The following GRID2 variants were observed in gnomAD, a reference collection of about 807,000 sequenced individuals.
GRID2 encodes the protein glutamate ionotropic receptor delta type subunit 2.
GRID2 carries 33 observed loss-of-function variants against 114.8 expected under a neutral mutation model. The observed-to-expected ratio is 0.29, with a 90% confidence interval of 0.22 to 0.38. The LOEUF is 0.38. Among genes scored for constraint, GRID2 ranks in the 10% least tolerant of loss-of-function variants. The pLI is 1.00. For synonymous variants in GRID2, 505 were observed against 449.9 expected (o/e 1.12, Z -1.55); for missense variants, 1,184 against 1,257.7 (o/e 0.94, Z 0.89).
At position 92,666,650 on chromosome 4, in the gene GRID2, G is replaced by GTTTTTTTTTTTTTTT. The variant is rs70942922; in HGVS notation, c.244+76370_244+76384dup. Among the ~76,000 whole-genome samples, 562 of 68,434 alleles carry GTTTTTTTTTTTTTTT rather than the reference G, an allele frequency of 8.2e-3. 35 individuals are homozygous for GTTTTTTTTTTTTTTT. Among genetic ancestry groups the GTTTTTTTTTTTTTTT allele is most frequent in the Non-Finnish European group, 0.011 (376 of 35,656 alleles). 44.9% of individuals were successfully genotyped at this position (68,434 alleles called of 152,430 possible). On this transcript the variant is annotated intron_variant, in intron 2 of 15. Coordinates refer to ENST00000282020, the MANE Select transcript of GRID2 (RefSeq NM_001510.4). Reference sequence around the variant, plus strand: ...AGGCTGATGTGTAAACTTAAGGGTTGTTTTTTTTTTTTTTTTTTTTCAGAT... The same window carrying GTTTTTTTTTTTTTTT: ...AGGCTGATGTGTAAACTTAAGGGTTGTTTTTTTTTTTTTTTTTTTTTTTTTTTTTTTTTTTCAGAT...
intron 14 of GRID2, among the ~76,000 whole-genome samples, chr4:93,627,833 AAT>A (rs943382233): frequency 2.0e-5 from 3 of 152,208 alleles, no homozygotes; most frequent in African/African-American, 4.8e-5. Flanking sequence ...GCCCAAAATC[AAT>A]AGAGTGGGTA....
chr4:92,467,079 A>T (rs1053893569), intron 1 of GRID2, among the ~76,000 whole-genome samples: 29 of 151,936 alleles, frequency 1.9e-4, no homozygotes, highest in African/African-American at 7.0e-4. Context: ...ATCAAATTTT[A>T]CTTTTTTAGA....
chr4:93,121,336 G>T (rs1442370974), intron 4 of GRID2, among the ~76,000 whole-genome samples: 1 of 152,102 alleles, frequency 6.6e-6, no homozygotes, highest in Non-Finnish European at 1.5e-5. Context: ...CTCCAGTTAA[G>T]ATCTCCCCAA....
intron 1 of GRID2, among the ~76,000 whole-genome samples, chr4:92,318,798 G>C (rs1331727329): frequency 1.3e-5 from 2 of 152,068 alleles, no homozygotes; most frequent in Non-Finnish European, 2.9e-5. Context: ...TAGCAAGTCA[G>C]AGAAGAATTC....
At chr4:93,611,467 C>T (rs1285920167) in intron 13 of GRID2, among the ~76,000 whole-genome samples, 1 of 128,652 alleles carries the variant, frequency 7.8e-6, no homozygotes, top group Non-Finnish European at 1.6e-5. Context: ...TATAAATTTC[C>T]CTCTACACAC....
intron 7 of GRID2, among the ~76,000 whole-genome samples, chr4:93,231,664 T>C (rs1182133992): frequency 6.6e-6 from 1 of 152,134 alleles, no homozygotes; most frequent in Non-Finnish European, 1.5e-5. Context: ...TGAACAGTCA[T>C]TGCAAAACTA....
chr4:93,447,640 G>A (rs1482159508), intron 10 of GRID2, among the ~76,000 whole-genome samples: 2 of 151,746 alleles, frequency 1.3e-5, no homozygotes, highest in East Asian at 3.9e-4. Context: ...TTAAATATAT[G>A]TCCAATATGA....
intron 8 of GRID2, among the ~76,000 whole-genome samples, chr4:93,337,467 G>A (rs1283623677): frequency 2.6e-5 from 4 of 152,146 alleles, no homozygotes; most frequent in African/African-American, 9.7e-5. Flanking sequence ...TTGCATTATC[G>A]CTGAGGAACC....
At chr4:93,004,941 GT>G (rs980745579) in intron 2 of GRID2, among the ~76,000 whole-genome samples, 3 of 151,962 alleles carry the variant, frequency 2.0e-5, no homozygotes, top group African/African-American at 7.2e-5. Context: ...CTTTGTCTTT[GT>G]TTTTTCTGTC....
chr4:93,146,283 C>A (rs539686576), intron 4 of GRID2, among the ~76,000 whole-genome samples: 1 of 152,104 alleles, frequency 6.6e-6, no homozygotes, highest in African/African-American at 2.4e-5. Context: ...TTCTATTTGG[C>A]AGTGTATTTG....
At chr4:93,216,611 A>T in intron 5 of GRID2, 127 bp from the exon 6 acceptor site, 1 of 636,452 alleles carries the variant, frequency 1.6e-6, no homozygotes, top group Non-Finnish European at 2.8e-6. Context: ...TTAGATATGC[A>T]CTAAGCATTA....
At position 93,113,064 on chromosome 4, in the gene GRID2, A is replaced by G. The variant is rs149817573; in HGVS notation, c.735+2111A>G. Among the ~76,000 whole-genome samples the G allele has an allele frequency of 2.2e-4, 34 of 152,310 alleles. No homozygotes were observed. The East Asian group carries it at 6.4e-3, about 29-fold the overall frequency. ...CACAACTTTACCCATAACAGTTACC[A>G]TTAGCTGTTATGAGCAAATAAGGCA... On this transcript the variant is annotated intron_variant, in intron 4 of 15. Transcript: ENST00000282020.
intron 3 of GRID2, among the ~76,000 whole-genome samples, chr4:93,108,006 T>C (rs1486551654): frequency 6.6e-6 from 1 of 152,196 alleles, no homozygotes; most frequent in Non-Finnish European, 1.5e-5. Flanking sequence ...CATGTCTCAC[T>C]AGCTAGGCTG....
chr4:92,861,965 A>G (rs1744563944), intron 2 of GRID2, among the ~76,000 whole-genome samples: 1 of 151,928 alleles, frequency 6.6e-6, no homozygotes, highest in African/African-American at 2.4e-5. Context: ...GACGCCCACT[A>G]TATTATAAGA....
intron 1 of GRID2, among the ~76,000 whole-genome samples, chr4:92,329,299 A>T (rs1726756583): frequency 6.6e-6 from 1 of 152,092 alleles, no homozygotes; most frequent in Middle Eastern, 3.4e-3. Flanking sequence ...AGCCCTCTCT[A>T]TTTAAACTTT....
intron 14 of GRID2, among the ~76,000 whole-genome samples, chr4:93,686,035 C>T (rs964624506): frequency 6.6e-6 from 1 of 152,108 alleles, no homozygotes; most frequent in Admixed American, 6.6e-5. Flanking sequence ...GTTGCAGATG[C>T]AGTTATTATT....
intron 2 of GRID2, among the ~76,000 whole-genome samples, chr4:92,715,496 C>T (rs942110240): frequency 6.6e-6 from 1 of 151,998 alleles, no homozygotes; most frequent in African/African-American, 2.4e-5. Flanking sequence ...CTGTATTATT[C>T]CTTTTTACAC....
At chr4:93,570,166 A>G (rs1482418872) in intron 13 of GRID2, among the ~76,000 whole-genome samples, 1 of 152,174 alleles carries the variant, frequency 6.6e-6, no homozygotes, top group African/African-American at 2.4e-5. Flanking sequence ...GGCTTTATAT[A>G]TTACTTGTCC....
intron 2 of GRID2, among the ~76,000 whole-genome samples, chr4:92,658,793 GTATATATATA>G (rs201480396): frequency 6.0e-5 from 8 of 132,388 alleles, no homozygotes; most frequent in South Asian, 2.6e-4. Context: ...GTGTGTGTGT[GTATATATATA>G]TATATATATA....
Sources: gnomAD v4.1 joint callset for allele counts (sites outside exome capture counted in the v4.1 genomes callset) on GRCh38, gnomAD v4.1.1 for gene constraint, MANE v1.5 for transcripts, NCBI Gene and HGNC (gene_info 2026-07-23, HGNC 2026-07-21) for gene names.